The following ZBTB20 variants were observed in gnomAD, a reference collection of about 807,000 sequenced individuals.
ZBTB20 encodes zinc finger and BTB domain containing 20.
ZBTB20 carries 9 observed loss-of-function variants against 56.9 expected under a neutral mutation model. The observed-to-expected ratio is 0.16, with a 90% confidence interval of 0.10 to 0.28. The LOEUF (loss-of-function observed/expected upper bound fraction) is 0.28, where lower values mean the gene tolerates loss of function less well. Among genes scored for constraint, ZBTB20 ranks in the 10% least tolerant of loss-of-function variants. The probability of loss-of-function intolerance (pLI) is 1.00; values close to 1 mark genes in which losing one functional copy is unlikely to be tolerated. For synonymous variants in ZBTB20, 417 were observed against 420.7 expected (o/e 0.99, Z 0.11); for missense variants, 655 against 1,003.0 (o/e 0.65, Z 4.69).
intron 6 of ZBTB20, among the ~76,000 whole-genome samples, chr3:114,664,999 T>A (rs1013634371): frequency 1.1e-4 from 16 of 152,224 alleles, no homozygotes; most frequent in African/African-American, 3.8e-4. Flanking sequence ...GTTGATGGAA[T>A]GAAACTTTTC....
chr3:114,861,043 C>G (rs745885189), intron 4 of ZBTB20, among the ~76,000 whole-genome samples: 1 of 152,166 alleles, frequency 6.6e-6, no homozygotes, highest in Non-Finnish European at 1.5e-5. Flanking sequence ...TTTGCTGATA[C>G]ACACCAAGCT....
intron 1 of ZBTB20, among the ~76,000 whole-genome samples, chr3:115,146,653 G>C (rs918156484): frequency 6.6e-6 from 1 of 152,124 alleles, no homozygotes; most frequent in Non-Finnish European, 1.5e-5. Flanking sequence ...AGCGGCTGTG[G>C]GGCCAGGACA....
intron 3 of ZBTB20, among the ~76,000 whole-genome samples, chr3:114,967,613 C>T (rs2077697019): frequency 6.6e-6 from 1 of 152,042 alleles, no homozygotes; most frequent in Non-Finnish European, 1.5e-5. Flanking sequence ...GGGGGAAAGC[C>T]TAGATTCAAA....
At chr3:114,541,995 T>C (rs1487056113) in intron 6 of ZBTB20, among the ~76,000 whole-genome samples, 2 of 152,208 alleles carry the variant, frequency 1.3e-5, no homozygotes, top group Admixed American at 1.3e-4. Context: ...TGAGTAATCA[T>C]AATTTAATGA....
At chr3:114,755,584 T>A (rs947486620) in intron 5 of ZBTB20, among the ~76,000 whole-genome samples, 3 of 151,678 alleles carry the variant, frequency 2.0e-5, no homozygotes, top group African/African-American at 7.3e-5. Context: ...TACATGAAAT[T>A]TTTTTTTTAA....
chr3:114,786,763 TA>T (rs1465858512), intron 5 of ZBTB20, among the ~76,000 whole-genome samples: 1 of 151,780 alleles, frequency 6.6e-6, no homozygotes, highest in African/African-American at 2.4e-5. Context: ...ATGACTAGAA[TA>T]AAAAAATACT....
intron 3 of ZBTB20, among the ~76,000 whole-genome samples, chr3:114,939,013 T>C (rs1200641332): frequency 6.9e-6 from 1 of 145,164 alleles, no homozygotes. Context: ...ATTCCTGACA[T>C]GTTCAGTCAC....
intron 6 of ZBTB20, among the ~76,000 whole-genome samples, chr3:114,611,970 T>C (rs2057592622): frequency 1.3e-5 from 2 of 152,240 alleles, no homozygotes; most frequent in Non-Finnish European, 2.9e-5. Flanking sequence ...CTGCCTGCCT[T>C]TTGGAATTCA....
chr3:114,957,536 T>C (rs1341908813), intron 3 of ZBTB20, among the ~76,000 whole-genome samples: 1 of 152,232 alleles, frequency 6.6e-6, no homozygotes, highest in African/African-American at 2.4e-5. Flanking sequence ...ATCTATCTTA[T>C]GGCCCTAACA....
At chr3:114,610,420 A>G (rs987859839) in intron 6 of ZBTB20, among the ~76,000 whole-genome samples, 1 of 152,172 alleles carries the variant, frequency 6.6e-6, no homozygotes. Context: ...TCCTATTCAC[A>G]CAGTCCTTGT....
rs1387174404 is a variant in ZBTB20 at position 114,314,625 on chromosome 3, A to C, written c.*24380T>G. The stretch of plus-strand genomic sequence containing the variant: ...TGGTAACATTTAAAAAAAAAACAAC[A>C]AAAACCCCAAAAAAACAAACATCAT... On this transcript the variant is annotated 3_prime_UTR_variant, in exon 12 of 12. Coordinates refer to ENST00000675478, the MANE Select transcript of ZBTB20 (RefSeq NM_001348800.3). 6.6e-6 allele frequency: 1 copy of C among 151,834 alleles called. No individual in the cohort carries two copies. The highest frequency in any genetic ancestry group is 2.4e-5 in the African/African-American group (1 of 41,386). 9.4% of individuals were successfully genotyped at this position (151,834 alleles called of 1,614,324 possible). A position where few individuals can be genotyped will look rare whatever the true frequency, so the allele number is the denominator to read the frequency against.
At chr3:114,360,697 T>C (rs764996347) in intron 10 of ZBTB20, among the ~76,000 whole-genome samples, 2 of 151,790 alleles carry the variant, frequency 1.3e-5, no homozygotes, top group Non-Finnish European at 2.9e-5. Context: ...CACTGAGGAG[T>C]AAAGACCTTC....
intron 6 of ZBTB20, among the ~76,000 whole-genome samples, chr3:114,667,455 T>C (rs1241066004): frequency 6.6e-6 from 1 of 152,020 alleles, no homozygotes; most frequent in Non-Finnish European, 1.5e-5. Context: ...CATACTATAC[T>C]TTCCAACTGC....
intron 3 of ZBTB20, among the ~76,000 whole-genome samples, chr3:114,901,868 G>A (rs2075134120): frequency 6.6e-6 from 1 of 152,030 alleles, no homozygotes; most frequent in Non-Finnish European, 1.5e-5. Context: ...ATTATATCTG[G>A]ATAATAAGAC....
At chr3:114,674,770 A>T (rs990868888) in intron 6 of ZBTB20, among the ~76,000 whole-genome samples, 19 of 152,052 alleles carry the variant, frequency 1.2e-4, no homozygotes, top group African/African-American at 3.6e-4. Flanking sequence ...ATATCTTTTG[A>T]TTTAGATAAA....
At chr3:114,908,201 A>C (rs150636637) in intron 3 of ZBTB20, among the ~76,000 whole-genome samples, 115 of 152,156 alleles carry the variant, frequency 7.6e-4, no homozygotes, top group African/African-American at 2.6e-3. Context: ...TTTCTTTAAA[A>C]TGTCAGGCTA....
chr3:114,382,936 C>T (rs1388584754), intron 8 of ZBTB20, among the ~76,000 whole-genome samples: 1 of 152,154 alleles, frequency 6.6e-6, no homozygotes, highest in African/African-American at 2.4e-5. Context: ...TCCTTCCCTC[C>T]CAGAGTTTAC....
At chr3:114,562,210 G>A (rs897400150) in intron 6 of ZBTB20, among the ~76,000 whole-genome samples, 1 of 151,376 alleles carries the variant, frequency 6.6e-6, no homozygotes, top group Admixed American at 6.6e-5. Flanking sequence ...GTGTCACTAG[G>A]CTGGAGTGCA....
chr3:114,621,111 A>C (rs1247940642), intron 6 of ZBTB20, among the ~76,000 whole-genome samples: 1 of 152,200 alleles, frequency 6.6e-6, no homozygotes, highest in African/African-American at 2.4e-5. Flanking sequence ...ATTTCTTTCT[A>C]CTTAATTTTA....
Sources: allele counts gnomAD v4.1 joint callset (sites outside exome capture counted in the v4.1 genomes callset), GRCh38; gene constraint gnomAD v4.1.1; transcripts MANE v1.5; gene names NCBI Gene and HGNC (gene_info 2026-07-23, HGNC 2026-07-21).